NEO1: variants seen among roughly 807,000 people sequenced by gnomAD.
The protein encoded by NEO1 is neogenin 1.
A neutral mutation model predicts 159.7 loss-of-function variants in NEO1; 63 were observed. The observed-to-expected ratio is 0.39, with a 90% CI of 0.32 to 0.49. The LOEUF is 0.49. Ranked by LOEUF, NEO1 falls within the 20% of genes least tolerant of loss-of-function variation. The pLI is 0.85. For missense variants in NEO1, 1,615 were observed against 1,831.0 expected, an observed-to-expected ratio of 0.88 and a Z score of 2.15; for synonymous variants, 633 against 662.0, an observed-to-expected ratio of 0.96 and a Z score of 0.67.
chr15:73,091,216 A>T (rs2069671102), intron 1 of NEO1, among the ~76,000 whole-genome samples: 1 of 152,162 alleles, frequency 6.6e-6, no homozygotes, highest in African/African-American at 2.4e-5. Context: ...TGAACCTCAA[A>T]AGTTTTTATT....
In NEO1 at chr15:73,278,145, G is replaced by C; in HGVS notation, c.3208G>C (p.Gly1070Arg). 1 of 1,613,026 alleles carries C rather than the reference G, an allele frequency of 6.2e-7. No individual in the cohort carries two copies. The highest frequency in any genetic ancestry group is 8.5e-7 in the Non-Finnish European group (1 of 1,179,166). Residue 1070 changes from glycine (G) to arginine (R), a missense_variant, in exon 22 of 29, where the codon GGG (glycine) becomes CGG (arginine). Gly to Arg is a moderately radical substitution (Grantham distance 125). Transcript: ENST00000261908. ...MPNDQASGSG[G>R]KGSRLPDLGS... ...TTCTCCTTTAGCCTCAGGGTCTGGAGGGAAAGGAAGCCGGCTGCCAGACCT... is the reference window on the plus strand; with the variant it reads ...TTCTCCTTTAGCCTCAGGGTCTGGACGGAAAGGAAGCCGGCTGCCAGACCT...
In NEO1 at chr15:73,126,425, G is replaced by A; in HGVS notation, c.733G>A (p.Val245Met). The A allele has an allele frequency of 6.3e-7, 1 of 1,590,518 alleles. No homozygotes were observed. Among genetic ancestry groups the A allele is most frequent in the African/African-American group, 1.4e-5 (1 of 73,424 alleles). Residue 245 changes from valine to methionine, a missense_variant, in exon 4 of 29, where the codon GTG becomes ATG. Transcript: ENST00000261908. ...VELKVLPDPEVISDLVFLKQP... is the reference protein window; with the variant it reads ...VELKVLPDPEMISDLVFLKQP... ...ATTTTTTTTTTTTTTAGATCCTGAG[G>A]TGATATCAGACTTGGTATTTTTGAA...
intron 1 of NEO1, among the ~76,000 whole-genome samples, chr15:73,065,900 G>T (rs1004298864): frequency 8.6e-5 from 13 of 151,974 alleles, no homozygotes; most frequent in Non-Finnish European, 1.3e-4. Context: ...GCCCTGTTTT[G>T]GTTGTTAGGA....
chr15:73,282,812 A>G lies in NEO1; in HGVS notation c.3263-152A>G, dbSNP rs994639261. ...CTGTCTAGGAGCTCATCATCTAGAGAAGAGAGCCATGTTCACGCGGCACTT... is the reference window on the plus strand; with the variant it reads ...CTGTCTAGGAGCTCATCATCTAGAGGAGAGAGCCATGTTCACGCGGCACTT... On this transcript the variant is annotated intron_variant, in intron 22 of 28. Coordinates refer to ENST00000261908, the MANE Select transcript of NEO1 (RefSeq NM_002499.4). 22 of 868,100 alleles carry G rather than the reference A, an allele frequency of 2.5e-5. No homozygotes were observed. In the East Asian group the frequency reaches 5.4e-4, roughly 21 times the overall value. 53.8% of individuals were successfully genotyped at this position (868,100 alleles called of 1,614,324 possible).
At chr15:73,200,436 AAGAGAG>A (rs1480741621) in intron 7 of NEO1, among the ~76,000 whole-genome samples, 1 of 150,834 alleles carries the variant, frequency 6.6e-6, no homozygotes, top group South Asian at 2.1e-4. Flanking sequence ...AAAAGAAATT[AAGAGAG>A]AGAGGGAGAG....
chr15:73,072,096 A>G (rs560825293), intron 1 of NEO1, among the ~76,000 whole-genome samples: 41 of 152,088 alleles, frequency 2.7e-4, no homozygotes, highest in African/African-American at 9.9e-4. Context: ...GATTACAGGC[A>G]TGTGCCACTA....
intron 25 of NEO1, among the ~76,000 whole-genome samples, chr15:73,290,303 C>T (rs11072412): frequency 0.3 from 40,805 of 135,954 alleles, 6,696 homozygotes; most frequent in East Asian, 0.57. Context: ...TGCAGTGTCA[C>T]GATCTCAGCT....
chr15:73,056,987 A>G (rs1042745029), intron 1 of NEO1, among the ~76,000 whole-genome samples: 7 of 152,198 alleles, frequency 4.6e-5, no homozygotes, highest in African/African-American at 1.7e-4. Context: ...AAATTAATAC[A>G]TGATGTGAGA....
At position 73,180,384 on chromosome 15, in the gene NEO1, A is replaced by T. The variant is rs574093881; in HGVS notation, c.1291+1957A>T. 5.3e-5 allele frequency among the ~76,000 whole-genome samples: 8 copies of T among 152,120 alleles called. No homozygotes were observed. In the South Asian group the frequency reaches 1.7e-3, roughly 32 times the overall value. On this transcript the variant is annotated intron_variant, in intron 7 of 28. Coordinates refer to ENST00000261908, the MANE Select transcript of NEO1 (RefSeq NM_002499.4). ...CTTTTTTCTTCTTAGGTTTGTATAT[A>T]CCCTCCCCTGTTTATTGGAAATGAT...
chr15:73,172,351 A>G (rs1172653269), intron 5 of NEO1, among the ~76,000 whole-genome samples: 1 of 152,228 alleles, frequency 6.6e-6, no homozygotes, highest in Non-Finnish European at 1.5e-5. Flanking sequence ...TATTAACTGC[A>G]TAATAGAATT....
At chr15:73,135,155 A>C (rs949719933) in intron 4 of NEO1, among the ~76,000 whole-genome samples, 2 of 152,202 alleles carry the variant, frequency 1.3e-5, no homozygotes, top group African/African-American at 4.8e-5. Context: ...AAACTTGTTC[A>C]CTTTATACAA....
intron 5 of NEO1, among the ~76,000 whole-genome samples, chr15:73,164,854 G>A (rs574328789): frequency 6.6e-6 from 1 of 152,342 alleles, no homozygotes; most frequent in Admixed American, 6.5e-5. Context: ...GTGGCTACAT[G>A]TATACTAATA....
intron 1 of NEO1, among the ~76,000 whole-genome samples, chr15:73,111,385 T>C (rs1349472601): frequency 6.6e-6 from 1 of 152,210 alleles, no homozygotes; most frequent in East Asian, 1.9e-4. Context: ...TGTGTATGAA[T>C]TTATGAATGA....
intron 4 of NEO1, among the ~76,000 whole-genome samples, chr15:73,128,265 A>G (rs2030585007): frequency 6.6e-6 from 1 of 151,604 alleles, no homozygotes; most frequent in African/African-American, 2.4e-5. Context: ...TGCCAACTGA[A>G]ACATAGGGAA....
intron 7 of NEO1, among the ~76,000 whole-genome samples, chr15:73,213,673 T>G (rs570719004): frequency 6.6e-6 from 1 of 152,308 alleles, no homozygotes; most frequent in Admixed American, 6.5e-5. Flanking sequence ...CATTGAGTAA[T>G]GGGCATTTGG....
At chr15:73,281,980 A>G (rs2041738105) in intron 22 of NEO1, among the ~76,000 whole-genome samples, 1 of 152,218 alleles carries the variant, frequency 6.6e-6, no homozygotes, top group Non-Finnish European at 1.5e-5. Flanking sequence ...AGGGTCCTAA[A>G]TGGTCCAGCC....
intron 25 of NEO1, among the ~76,000 whole-genome samples, chr15:73,290,779 C>T (rs1477310599): frequency 2.6e-5 from 4 of 152,114 alleles, no homozygotes; most frequent in Non-Finnish European, 4.4e-5. Context: ...AATTCTCAGC[C>T]ATCTGTCAAC....
intron 1 of NEO1, among the ~76,000 whole-genome samples, chr15:73,057,184 G>A (rs2067749045): frequency 6.6e-6 from 1 of 152,068 alleles, no homozygotes; most frequent in Non-Finnish European, 1.5e-5. Context: ...TATGTAGAAT[G>A]GCTTCAGTGT....
intron 1 of NEO1, among the ~76,000 whole-genome samples, chr15:73,065,005 T>C (rs2068144931): frequency 6.6e-6 from 1 of 152,106 alleles, no homozygotes; most frequent in Non-Finnish European, 1.5e-5. Context: ...CCCTCTCTTT[T>C]AGCTTGCCAG....
Sources: allele counts gnomAD v4.1 joint callset (sites outside exome capture counted in the v4.1 genomes callset), GRCh38; gene constraint gnomAD v4.1.1; transcripts MANE v1.5; gene names NCBI Gene and HGNC (gene_info 2026-07-23, HGNC 2026-07-21).